The following CPA5 variants were observed in gnomAD, a reference collection of about 807,000 sequenced individuals.
The protein encoded by CPA5 is carboxypeptidase A5.
CPA5 carries 38 observed loss-of-function variants against 52.2 expected under a neutral mutation model. The observed-to-expected ratio is 0.73, with a 90% confidence interval of 0.56 to 0.95. CPA5 has a LOEUF of 0.95. CPA5 is among the 40% of genes least tolerant of loss of function. The probability of loss-of-function intolerance (pLI) is 0.00; values close to 1 mark genes in which losing one functional copy is unlikely to be tolerated. For missense variants in CPA5, 519 were observed against 566.7 expected, an observed-to-expected ratio of 0.92 and a Z score of 0.86; for synonymous variants, 198 against 213.7, an observed-to-expected ratio of 0.93 and a Z score of 0.64.
At chr7:130,347,665 C>T (rs2117284006) in intron 3 of CPA5, 101 bp from the exon 4 acceptor site, 1 of 972,114 alleles carries the variant, frequency 1.0e-6, no homozygotes, top group African/African-American at 1.6e-5. Context: ...CCCCGCCTGG[C>T]CCTCAGCTGG....
At chr7:130,360,066 T>C (rs1554406204) in intron 6 of CPA5, among the ~76,000 whole-genome samples, 1 of 152,180 alleles carries the variant, frequency 6.6e-6, no homozygotes, top group Non-Finnish European at 1.5e-5. Context: ...CCATTCTAAG[T>C]TCCCCTGGAT....
chr7:130,374,361 G>C, the CPA5 span, among the ~76,000 whole-genome samples: 1 of 152,134 alleles, frequency 6.6e-6, no homozygotes, highest in African/African-American at 2.4e-5. Context: ...CTTAGAGTGG[G>C]AATCCATTCC....
chr7:130,348,208 T>A (rs963267268), intron 4 of CPA5, among the ~76,000 whole-genome samples: 1 of 152,172 alleles, frequency 6.6e-6, no homozygotes, highest in African/African-American at 2.4e-5. Context: ...GTTGGATACA[T>A]TGGCCTCCCA....
chr7:130,358,074 T>C (rs1795589102), intron 5 of CPA5, among the ~76,000 whole-genome samples: 1 of 152,004 alleles, frequency 6.6e-6, no homozygotes. Flanking sequence ...TAGCTCACTC[T>C]AGCCTCCAAC....
chr7:130,373,965 TG>T, the CPA5 span, among the ~76,000 whole-genome samples: 1 of 152,230 alleles, frequency 6.6e-6, no homozygotes, highest in African/African-American at 2.4e-5. Flanking sequence ...ACAGGCTGCC[TG>T]GATTTGTCCT....
At chr7:130,373,320 C>A (rs1554410126), downstream of CPA5, among the ~76,000 whole-genome samples, 2 of 150,048 alleles carry the variant, frequency 1.3e-5, no homozygotes, top group South Asian at 4.2e-4. Context: ...ACAAACTGCT[C>A]TTTTTAGGTA....
At chr7:130,347,723 T>G (rs1554402683) in intron 3 of CPA5, 43 bp from the exon 4 acceptor site, 1 of 1,535,004 alleles carries the variant, frequency 6.5e-7, no homozygotes, top group Middle Eastern at 1.7e-4. Flanking sequence ...CTTCCAGGGA[T>G]CCTTCTCCGC....
Position 130,359,621 on chromosome 7 carries a change from G to C in CPA5, c.366G>C (p.Ala122=). The stretch of plus-strand genomic sequence containing the variant: ...TGGATGAGGAAAGACAGGCCATGGC[G>C]AAATCCCGCCGGCTGGAGCGCAGCA... ...VLLDEERQAM[A]KSRRLERSTN... Residue 122 remains alanine (A), a synonymous_variant, in exon 6 of 13, where the codon GCG becomes GCC. Transcript: ENST00000474905. The C allele has an allele frequency of 6.3e-7, 1 of 1,576,642 alleles. No homozygotes were observed. Among genetic ancestry groups the C allele is most frequent in the Non-Finnish European group, 8.6e-7 (1 of 1,160,754 alleles).
At chr7:130,357,634 A>AG (rs1795554994) in intron 5 of CPA5, among the ~76,000 whole-genome samples, 1 of 152,060 alleles carries the variant, frequency 6.6e-6, no homozygotes, top group Non-Finnish European at 1.5e-5. Flanking sequence ...AAAAAAAAAA[A>AG]AAAAGTTCTT....
At chr7:130,372,642 G>A (rs994616982), downstream of CPA5, among the ~76,000 whole-genome samples, 3 of 152,198 alleles carry the variant, frequency 2.0e-5, no homozygotes, top group African/African-American at 4.8e-5. Flanking sequence ...CAGAGACTTC[G>A]CCTTACACTA....
At chr7:130,358,464 C>T (rs1795616411) in intron 5 of CPA5, among the ~76,000 whole-genome samples, 1 of 152,160 alleles carries the variant, frequency 6.6e-6, no homozygotes, top group African/African-American at 2.4e-5. Context: ...ACAGAAATAG[C>T]TCATTTCTGT....
rs568831836 is a variant in CPA5 at position 130,363,682 on chromosome 7, G to A, written c.838+173G>A. 3.6e-4 allele frequency among the ~76,000 whole-genome samples: 55 copies of A among 152,346 alleles called. 1 individual carries two copies. The South Asian group carries it at 0.011, about 31-fold the overall frequency. On this transcript the variant is annotated intron_variant, in intron 10 of 12. Coordinates refer to ENST00000474905, the MANE Select transcript of CPA5 (RefSeq NM_080385.5). ...GGCAAGCACATACCTCAGACTGGCTGTGGGTACGGGAGAGGTTGTGTGTGT... is the reference window on the plus strand; with the variant it reads ...GGCAAGCACATACCTCAGACTGGCTATGGGTACGGGAGAGGTTGTGTGTGT...
chr7:130,374,153 C>G, the CPA5 span, among the ~76,000 whole-genome samples: 1 of 152,208 alleles, frequency 6.6e-6, no homozygotes, highest in African/African-American at 2.4e-5. Context: ...GGCTGCAGCC[C>G]TGGGTTCTGC....
In CPA5 at chr7:130,362,357, C is replaced by G; in HGVS notation, c.535-81C>G. 1.1e-5 allele frequency: 11 copies of G among 991,692 alleles called. No individual in the cohort carries two copies. The South Asian group carries it at 1.5e-4, about 13-fold the overall frequency. The allele number at this position is 991,692 out of a possible 1,614,324, so 61.4% of individuals were successfully genotyped here. A position where few individuals can be genotyped will look rare whatever the true frequency, so the allele number is the denominator to read the frequency against. Reference sequence around the variant, plus strand: ...GCTGCCCCAGGCACTGAGGATGCCTCAGGGACCTCCTTCCAGGTAGCCCAG... The same window carrying G: ...GCTGCCCCAGGCACTGAGGATGCCTGAGGGACCTCCTTCCAGGTAGCCCAG... On this transcript the variant is annotated intron_variant, in intron 7 of 12. Transcript: ENST00000474905.
chr7:130,346,991 C>T (rs1409728009), intron 3 of CPA5, among the ~76,000 whole-genome samples: 1 of 152,152 alleles, frequency 6.6e-6, no homozygotes, highest in Non-Finnish European at 1.5e-5. Context: ...ATGTGGGTGT[C>T]GTTCTCCTTC....
Position 130,347,853 on chromosome 7 carries a change from G to C in CPA5, c.198+6G>C. ...AGGGCCTGAAACCCCAGAAGGTGAGGACTCCTCAGGCTTGAGGACAACCCC... is the reference window on the plus strand; with the variant it reads ...AGGGCCTGAAACCCCAGAAGGTGAGCACTCCTCAGGCTTGAGGACAACCCC... On this transcript the variant is annotated splice_donor_region_variant and intron_variant, in intron 4 of 12. Transcript: ENST00000474905. 6.2e-7 allele frequency: 1 copy of C among 1,612,924 alleles called. No homozygotes were observed. The highest frequency in any genetic ancestry group is 1.7e-5 in the Admixed American group (1 of 60,004).
chr7:130,363,230 C>A (rs1363927896), intron 9 of CPA5, among the ~76,000 whole-genome samples, 189 bp from the exon 10 acceptor site: 1 of 152,232 alleles, frequency 6.6e-6, no homozygotes, highest in Non-Finnish European at 1.5e-5. Flanking sequence ...ACCCTGACTT[C>A]AACTGCACAG....
rs782627529 is a variant in CPA5 at position 130,367,448 on chromosome 7, C to A, written c.915C>A (p.Ala305=). The A allele has an allele frequency of 6.2e-7, 1 of 1,614,156 alleles. No individual in the cohort carries two copies. The highest frequency in any genetic ancestry group is 1.1e-5 in the South Asian group (1 of 91,076). ...PSPQSEPEVA[A]IVNFITAHGN... is the part of the protein sequence containing the mutation. Reference sequence around the variant, plus strand: ...CTCAGTCGGAGCCGGAGGTGGCTGCCATAGTGAACTTCATCACAGCCCATG... The same window carrying A: ...CTCAGTCGGAGCCGGAGGTGGCTGCAATAGTGAACTTCATCACAGCCCATG... The change falls in exon 11 of 13, where the codon GCC becomes GCA. Residue 305 remains alanine, a synonymous_variant. Coordinates refer to ENST00000474905, the MANE Select transcript of CPA5 (RefSeq NM_080385.5).
intron 11 of CPA5, 138 bp from the exon 12 acceptor site, chr7:130,367,768 C>G: frequency 1.2e-6 from 1 of 859,428 alleles, no homozygotes; most frequent in Non-Finnish European, 1.9e-6. Context: ...ATGCTGTGCT[C>G]CCTTCTCACA....
Sources: allele counts gnomAD v4.1 joint callset (sites outside exome capture counted in the v4.1 genomes callset), GRCh38; gene constraint gnomAD v4.1.1; transcripts MANE v1.5; gene names NCBI Gene and HGNC (gene_info 2026-07-23, HGNC 2026-07-21).